Variants in THSD7B observed in about 807,000 individuals in gnomAD.
THSD7B encodes the protein thrombospondin type 1 domain containing 7B, also known as thrombospondin type-1 domain-containing protein 7B.
Under a neutral mutation model 213.6 loss-of-function variants are expected in THSD7B, and 138 were observed. The observed-to-expected ratio is 0.65, with a 90% confidence interval of 0.56 to 0.74. The LOEUF (loss-of-function observed/expected upper bound fraction) is 0.74, where lower values mean the gene tolerates loss of function less well. Ranked by LOEUF, THSD7B falls within the 30% of genes least tolerant of loss-of-function variation. The pLI, the probability that THSD7B is intolerant of heterozygous loss-of-function variation, is 0.00. For synonymous variants in THSD7B, 742 were observed against 687.0 expected (o/e 1.08, Z -1.25); for missense variants, 1,931 against 1,991.5 (o/e 0.97, Z 0.58).
intron 3 of THSD7B, among the ~76,000 whole-genome samples, chr2:137,084,055 CTTATG>C (rs1246197231): frequency 6.6e-6 from 1 of 151,834 alleles, no homozygotes; most frequent in Non-Finnish European, 1.5e-5. Flanking sequence ...GGACTTTACT[CTTATG>C]TTATTAGTTA....
At chr2:137,480,173 C>T (rs1193340109) in intron 15 of THSD7B, among the ~76,000 whole-genome samples, 1 of 152,114 alleles carries the variant, frequency 6.6e-6, no homozygotes, top group Non-Finnish European at 1.5e-5. Context: ...GTGTGATTAT[C>T]TACTCACTGT....
chr2:137,591,183 G>A (rs907561610), intron 17 of THSD7B, among the ~76,000 whole-genome samples: 1 of 151,260 alleles, frequency 6.6e-6, no homozygotes, highest in South Asian at 2.1e-4. Context: ...ATCATTTTTA[G>A]TTGTTGTACT....
chr2:137,500,312 A>T (rs963237591), intron 15 of THSD7B, among the ~76,000 whole-genome samples: 5 of 152,206 alleles, frequency 3.3e-5, no homozygotes, highest in African/African-American at 1.2e-4. Flanking sequence ...CACAGGAAAA[A>T]CAAATTAAAG....
intron 1 of THSD7B, among the ~76,000 whole-genome samples, chr2:136,859,038 A>C (rs1327616695): frequency 6.6e-6 from 1 of 152,190 alleles, no homozygotes; most frequent in Non-Finnish European, 1.5e-5. Context: ...TGTGGGAAGG[A>C]ATATGAGATT....
At chr2:136,850,318 T>C (rs1683079185) in intron 1 of THSD7B, among the ~76,000 whole-genome samples, 1 of 152,000 alleles carries the variant, frequency 6.6e-6, no homozygotes, top group Admixed American at 6.6e-5. Flanking sequence ...TATTATGCCA[T>C]GGAAAACAGT....
chr2:137,109,916 C>T (rs1169793038), intron 4 of THSD7B, among the ~76,000 whole-genome samples: 1 of 152,074 alleles, frequency 6.6e-6, no homozygotes, highest in Non-Finnish European at 1.5e-5. Context: ...CTACTATTCT[C>T]CCCTTGACCC....
chr2:137,247,782 A>T (rs1682073499), intron 10 of THSD7B, among the ~76,000 whole-genome samples: 1 of 151,454 alleles, frequency 6.6e-6, no homozygotes, highest in East Asian at 1.9e-4. Flanking sequence ...ACAGACAGTG[A>T]TTTTTTTTTA....
intron 10 of THSD7B, among the ~76,000 whole-genome samples, chr2:137,256,588 T>A (rs1682315624): frequency 6.6e-6 from 1 of 152,192 alleles, no homozygotes; most frequent in African/African-American, 2.4e-5. Context: ...TAAAGAGATA[T>A]GCAGGTACCC....
intron 6 of THSD7B, among the ~76,000 whole-genome samples, chr2:137,170,062 G>T (rs1260781636): frequency 2.0e-5 from 3 of 152,060 alleles, no homozygotes; most frequent in Non-Finnish European, 4.4e-5. Flanking sequence ...CTGTTGATTT[G>T]CATTTGTGAC....
chr2:137,224,862 T>C (rs932083598), intron 7 of THSD7B, among the ~76,000 whole-genome samples: 1 of 152,202 alleles, frequency 6.6e-6, no homozygotes, highest in Non-Finnish European at 1.5e-5. Context: ...AACAGCTCAC[T>C]TGCCACATGG....
intron 5 of THSD7B, among the ~76,000 whole-genome samples, chr2:137,117,127 A>T (rs1248533159): frequency 6.6e-6 from 1 of 152,216 alleles, no homozygotes; most frequent in Admixed American, 6.5e-5. Context: ...GGCACTGTAT[A>T]CAGCTTACTG....
At chr2:137,357,231 T>TA (rs529673825) in intron 12 of THSD7B, among the ~76,000 whole-genome samples, 1 of 152,138 alleles carries the variant, frequency 6.6e-6, no homozygotes, top group Non-Finnish European at 1.5e-5. Context: ...AATTGATACT[T>TA]ACAATTAAAC....
intron 12 of THSD7B, among the ~76,000 whole-genome samples, chr2:137,315,501 G>C (rs1684074276): frequency 6.6e-6 from 1 of 152,070 alleles, no homozygotes; most frequent in South Asian, 2.1e-4. Context: ...GTAGACCGGA[G>C]CTGTTCCTAT....
intron 7 of THSD7B, among the ~76,000 whole-genome samples, chr2:137,213,375 A>ATC (rs1437836645): frequency 1.4e-5 from 2 of 147,466 alleles, no homozygotes; most frequent in East Asian, 3.9e-4. Context: ...ATATAATAGT[A>ATC]TATATGTTAT....
chr2:137,561,478 C>A (rs902025065), intron 15 of THSD7B, among the ~76,000 whole-genome samples: 3 of 152,110 alleles, frequency 2.0e-5, no homozygotes, highest in African/African-American at 4.8e-5. Flanking sequence ...CCTGTTTGTA[C>A]AAAGCACTTT....
At chr2:137,008,003 C>G (rs1686149907) in intron 2 of THSD7B, among the ~76,000 whole-genome samples, 1 of 152,026 alleles carries the variant, frequency 6.6e-6, no homozygotes, top group African/African-American at 2.4e-5. Context: ...TTGAGGGGGT[C>G]AGCTATCCAG....
chr2:137,290,745 C>T (rs1198163474), intron 12 of THSD7B, among the ~76,000 whole-genome samples: 1 of 152,030 alleles, frequency 6.6e-6, no homozygotes, highest in Non-Finnish European at 1.5e-5. Context: ...TAAAAGTGAA[C>T]CTATTTTCTC....
chr2:137,443,489 C>T (rs532372924), intron 14 of THSD7B, among the ~76,000 whole-genome samples: 1 of 152,002 alleles, frequency 6.6e-6, no homozygotes, highest in African/African-American at 2.4e-5. Flanking sequence ...GATTACATAC[C>T]ACATTTTTTC....
intron 12 of THSD7B, among the ~76,000 whole-genome samples, chr2:137,338,983 G>A (rs1030345483): frequency 6.6e-6 from 1 of 152,020 alleles, no homozygotes; most frequent in Non-Finnish European, 1.5e-5. Context: ...GTACTCATAA[G>A]GTGGCATATA....
Sources: gnomAD v4.1 joint callset for allele counts (sites outside exome capture counted in the v4.1 genomes callset) on GRCh38, gnomAD v4.1.1 for gene constraint, MANE v1.5 for transcripts, NCBI Gene and HGNC (gene_info 2026-07-23, HGNC 2026-07-21) for gene names.